Variants in MAGI2 observed in about 807,000 individuals in gnomAD.
MAGI2 encodes membrane associated guanylate kinase, WW and PDZ domain containing 2, also known as membrane-associated guanylate kinase, WW and PDZ domain-containing protein 2.
A neutral mutation model predicts 133.3 loss-of-function variants in MAGI2; 35 were observed. That is an observed-to-expected ratio of 0.26 (90% CI 0.20 to 0.35). MAGI2 has a LOEUF of 0.35. Among genes scored for constraint, MAGI2 ranks in the 10% least tolerant of loss-of-function variants. The pLI is 1.00. For missense variants in MAGI2, 1,636 were observed against 1,863.4 expected (o/e 0.88, Z 2.25); for synonymous variants, 729 against 710.6 (o/e 1.03, Z -0.41).
intron 2 of MAGI2, among the ~76,000 whole-genome samples, chr7:78,637,323 G>A (rs1418658111): frequency 6.6e-6 from 1 of 151,992 alleles, no homozygotes; most frequent in Admixed American, 6.6e-5. Flanking sequence ...TTTATTATTT[G>A]AAGTAATATA....
intron 2 of MAGI2, among the ~76,000 whole-genome samples, chr7:78,692,766 G>A (rs321998): frequency 0.14 from 21,359 of 152,092 alleles, 2,124 homozygotes; most frequent in East Asian, 0.51. Flanking sequence ...AATAGCACAC[G>A]TATGAAGTGT....
intron 2 of MAGI2, among the ~76,000 whole-genome samples, chr7:78,676,843 T>C (rs562748359): frequency 1.8e-4 from 28 of 152,232 alleles, no homozygotes; most frequent in African/African-American, 6.5e-4. Flanking sequence ...ATAATGAGTA[T>C]GTATTTAATA....
chr7:79,439,706 T>TA (rs1848377550), intron 1 of MAGI2, among the ~76,000 whole-genome samples: 1 of 152,160 alleles, frequency 6.6e-6, no homozygotes, highest in South Asian at 2.1e-4. Flanking sequence ...CAAAGGATCT[T>TA]AATTTGCTAG....
At chr7:79,417,706 T>C (rs1846630867) in intron 1 of MAGI2, among the ~76,000 whole-genome samples, 2 of 151,386 alleles carry the variant, frequency 1.3e-5, no homozygotes, top group South Asian at 2.1e-4. Flanking sequence ...AATAATATTG[T>C]CCAGGCTGCA....
In MAGI2 at chr7:78,961,381, T is replaced by A. The variant is rs371017110; in HGVS notation, c.418+45709A>T. The stretch of plus-strand genomic sequence containing the variant: ...CCATCTGGAGAAGGAAATTCTCTCT[T>A]CTGGTAGAAGAGAGAAACAACTTCT... On this transcript the variant is annotated intron_variant, in intron 2 of 21. Coordinates refer to ENST00000354212, the MANE Select transcript of MAGI2 (RefSeq NM_012301.4). 2.0e-4 allele frequency among the ~76,000 whole-genome samples: 31 copies of A among 152,260 alleles called. No individual in the cohort carries two copies. In the South Asian group the frequency reaches 6.0e-3, roughly 30 times the overall value.
chr7:79,194,222 A>G lies in MAGI2; in HGVS notation c.302-187016T>C, dbSNP rs143252442. On this transcript the variant is annotated intron_variant, in intron 1 of 21. Transcript: ENST00000354212. ...TCATCGAAGATTTATAAGAAAAGCT[A>G]TAAAGGTATTATCCTTCCATCCTAT... Among the ~76,000 whole-genome samples, 153 of 152,134 alleles carry G rather than the reference A, an allele frequency of 1.0e-3. 1 individual carries two copies. The highest frequency in any genetic ancestry group is 3.6e-3 in the African/African-American group (148 of 41,454).
chr7:79,151,069 G>A (rs539197311), intron 1 of MAGI2, among the ~76,000 whole-genome samples: 3 of 151,968 alleles, frequency 2.0e-5, no homozygotes, highest in South Asian at 4.1e-4. Flanking sequence ...AAACATGTTA[G>A]CTTCCTCAGT....
intron 1 of MAGI2, among the ~76,000 whole-genome samples, chr7:79,186,751 GTATATATATA>G (rs67211187): frequency 0.013 from 1,659 of 128,992 alleles, 98 homozygotes; most frequent in African/African-American, 0.047. Flanking sequence ...TTATACAAAA[GTATATATATA>G]TATATATATA....
At chr7:78,372,789 C>G (rs907903131) in intron 6 of MAGI2, among the ~76,000 whole-genome samples, 1 of 152,094 alleles carries the variant, frequency 6.6e-6, no homozygotes, top group Non-Finnish European at 1.5e-5. Flanking sequence ...AGTCAGCATG[C>G]TATATTTTTT....
chr7:78,515,899 C>CA lies in MAGI2; in HGVS notation c.754+5530dup, dbSNP rs896231637. 6.0e-3 allele frequency among the ~76,000 whole-genome samples: 876 copies of CA among 145,130 alleles called. 14 individuals are homozygous for CA. The highest frequency in any genetic ancestry group is 0.021 in the African/African-American group (822 of 39,646). On this transcript the variant is annotated intron_variant, in intron 4 of 21. Transcript: ENST00000354212. ...GGGCAACAAGAGTGAAACTCTATCTCAAAAAAAAAAGGTCCTTGTTCTAAT... is the reference window on the plus strand; with the variant it reads ...GGGCAACAAGAGTGAAACTCTATCTCAAAAAAAAAAAGGTCCTTGTTCTAAT...
intron 1 of MAGI2, among the ~76,000 whole-genome samples, chr7:79,180,764 T>C (rs1318565603): frequency 6.6e-6 from 1 of 151,958 alleles, no homozygotes; most frequent in Non-Finnish European, 1.5e-5. Flanking sequence ...AAAAGGCAAG[T>C]CCTGTTCACC....
chr7:79,451,003 T>A (rs1359785176), intron 1 of MAGI2, among the ~76,000 whole-genome samples: 1 of 152,262 alleles, frequency 6.6e-6, no homozygotes, highest in Admixed American at 6.5e-5. Context: ...TTTCGCTATT[T>A]AATGATAGCT....
intron 1 of MAGI2, among the ~76,000 whole-genome samples, chr7:79,080,087 C>A (rs1229754726): frequency 6.6e-6 from 1 of 152,130 alleles, no homozygotes; most frequent in Non-Finnish European, 1.5e-5. Context: ...AATTACTTAA[C>A]CTATTTGACT....
At chr7:78,539,517 G>A (rs1798237695) in intron 3 of MAGI2, among the ~76,000 whole-genome samples, 2 of 151,978 alleles carry the variant, frequency 1.3e-5, no homozygotes, top group Admixed American at 6.5e-5. Flanking sequence ...ACATTTTGAT[G>A]TAGGCATTTA....
chr7:78,232,349 GTA>G (rs1254350270), intron 10 of MAGI2, among the ~76,000 whole-genome samples: 2 of 152,096 alleles, frequency 1.3e-5, no homozygotes, highest in Non-Finnish European at 2.9e-5. Flanking sequence ...TAAAGCTGTA[GTA>G]TAATTAGGCT....
intron 10 of MAGI2, among the ~76,000 whole-genome samples, chr7:78,224,115 A>G (rs1379702704): frequency 6.6e-6 from 1 of 152,188 alleles, no homozygotes; most frequent in Admixed American, 6.5e-5. Context: ...TCATTGTGAA[A>G]TAGAATGGTT....
chr7:78,151,463 CA>C (rs1823862367), intron 16 of MAGI2, among the ~76,000 whole-genome samples: 1 of 152,120 alleles, frequency 6.6e-6, no homozygotes, highest in Non-Finnish European at 1.5e-5. Flanking sequence ...AGAGGTGAAT[CA>C]GGGGGCACAT....
At chr7:78,057,437 T>C (rs1180106713) in intron 21 of MAGI2, among the ~76,000 whole-genome samples, 1 of 152,068 alleles carries the variant, frequency 6.6e-6, no homozygotes, top group Non-Finnish European at 1.5e-5. Context: ...AGAGAAGGGG[T>C]TTCACCATGT....
intron 2 of MAGI2, among the ~76,000 whole-genome samples, chr7:79,004,302 G>A (rs1024954075): frequency 1.3e-5 from 2 of 152,168 alleles, no homozygotes; most frequent in East Asian, 3.9e-4. Flanking sequence ...CCTGTCATTT[G>A]CAGCAACATG....
Sources: allele counts gnomAD v4.1 joint callset (sites outside exome capture counted in the v4.1 genomes callset), GRCh38; gene constraint gnomAD v4.1.1; transcripts MANE v1.5; gene names NCBI Gene and HGNC (gene_info 2026-07-23, HGNC 2026-07-21).